Variants in PLCG2 observed in about 807,000 individuals in gnomAD.
The protein encoded by PLCG2 is phospholipase C gamma 2.
PLCG2 carries 69 observed loss-of-function variants against 175.6 expected under a neutral mutation model. The observed-to-expected ratio is 0.39, with a 90% CI of 0.32 to 0.48. The LOEUF (loss-of-function observed/expected upper bound fraction) is 0.48. Ranked by LOEUF, PLCG2 falls within the 20% of genes least tolerant of loss-of-function variation. The pLI, the probability that PLCG2 is intolerant of heterozygous loss-of-function variation, is 0.91. For synonymous variants in PLCG2, 827 were observed against 624.0 expected, an observed-to-expected ratio of 1.33 and a Z score of -4.85; for missense variants, 1,798 against 1,650.9, an observed-to-expected ratio of 1.09 and a Z score of -1.54.
chr16:81,799,946 C>T (rs1445051833), intron 2 of PLCG2, among the ~76,000 whole-genome samples: 1 of 152,054 alleles, frequency 6.6e-6, no homozygotes, highest in Admixed American at 6.6e-5. Context: ...TATGACAGAC[C>T]CCACATACTC....
intron 2 of PLCG2, among the ~76,000 whole-genome samples, chr16:81,760,572 C>G (rs1266050244): frequency 6.6e-6 from 1 of 151,812 alleles, no homozygotes; most frequent in Non-Finnish European, 1.5e-5. Context: ...CATAGGAGGT[C>G]AAATTTTGCT....
In PLCG2 at chr16:81,959,988, G is replaced by A; in HGVS notation, c.*1990G>A. The A allele has an allele frequency of 4.8e-6, 1 of 210,314 alleles. No individual in the cohort carries two copies. Among genetic ancestry groups the A allele is most frequent in the African/African-American group, 2.3e-5 (1 of 44,148 alleles). The allele number at this position is 210,314 out of a possible 1,614,324, so 13.0% of individuals were successfully genotyped here. A position where few individuals can be genotyped will look rare whatever the true frequency, so the allele number is the denominator to read the frequency against. On this transcript the variant is annotated 3_prime_UTR_variant, in exon 33 of 33. Coordinates refer to ENST00000564138, the MANE Select transcript of PLCG2 (RefSeq NM_002661.5). ...AAAGAACCTGACATATGGCGGCATA[G>A]GAAGCAGAAGCTAAGCCTCTCTCCA...
intron 26 of PLCG2, chr16:81,935,705 C>T (rs538327498): frequency 4.8e-5 from 47 of 985,332 alleles, no homozygotes; most frequent in Admixed American, 6.1e-5. Context: ...TCCCTCTCCT[C>T]CTGTTCTCCC....
At chr16:81,885,963 A>T (rs574492927) in intron 9 of PLCG2, among the ~76,000 whole-genome samples, 1 of 152,326 alleles carries the variant, frequency 6.6e-6, no homozygotes, top group African/African-American at 2.4e-5. Flanking sequence ...TGAAGGTAAT[A>T]AGTTAATTTT....
intron 2 of PLCG2, among the ~76,000 whole-genome samples, chr16:81,789,090 C>A (rs1249749171): frequency 6.6e-6 from 1 of 152,158 alleles, no homozygotes; most frequent in Non-Finnish European, 1.5e-5. Context: ...AACAAACCTG[C>A]ATGCTCTTCA....
chr16:81,805,119 T>A (rs1597328329), intron 2 of PLCG2, among the ~76,000 whole-genome samples: 1 of 152,060 alleles, frequency 6.6e-6, no homozygotes, highest in Non-Finnish European at 1.5e-5. Flanking sequence ...GTTAAGAGGT[T>A]AACAAGACAA....
At chr16:81,884,446 C>G (rs1908254398) in intron 9 of PLCG2, among the ~76,000 whole-genome samples, 2 of 151,992 alleles carry the variant, frequency 1.3e-5, no homozygotes, top group South Asian at 2.1e-4. Flanking sequence ...GGACAAGAAA[C>G]TCTGTGAGAG....
At position 81,912,587 on chromosome 16, in the gene PLCG2, T is replaced by C. The variant is rs754707956; in HGVS notation, c.1935-10T>C. On this transcript the variant is annotated splice_polypyrimidine_tract_variant and intron_variant, in intron 18 of 32. Transcript: ENST00000564138. ...CTCACCTGGTCGTTTTCCCTGGCCCTGTGCCGCAGGTGGTACTATGACAGC... is the reference window on the plus strand; with the variant it reads ...CTCACCTGGTCGTTTTCCCTGGCCCCGTGCCGCAGGTGGTACTATGACAGC... 6.2e-7 allele frequency: 1 copy of C among 1,602,300 alleles called. No homozygotes were observed. The highest frequency in any genetic ancestry group is 1.7e-5 in the Admixed American group (1 of 59,526).
intron 22 of PLCG2, among the ~76,000 whole-genome samples, chr16:81,924,632 G>A (rs143463560): frequency 1.3e-3 from 201 of 152,356 alleles, no homozygotes; most frequent in African/African-American, 4.5e-3. Context: ...CCTCTTGCAA[G>A]ATGCCTTAAT....
chr16:81,782,179 T>G (rs1282611896), intron 1 of PLCG2, among the ~76,000 whole-genome samples: 2 of 152,192 alleles, frequency 1.3e-5, no homozygotes, highest in African/African-American at 2.4e-5. Flanking sequence ...CCTGGCCCAT[T>G]TTATGCCTTT....
chr16:81,854,398 G>T, intron 2 of PLCG2, 46 bp from the exon 3 acceptor site: 1 of 1,589,146 alleles, frequency 6.3e-7, no homozygotes, highest in South Asian at 1.1e-5. Context: ...ATCCTCAGGT[G>T]GAGGGAACTC....
intron 4 of PLCG2, among the ~76,000 whole-genome samples, 160 bp from the exon 5 acceptor site, chr16:81,858,956 T>C (rs1050835329): frequency 6.6e-6 from 1 of 152,230 alleles, no homozygotes; most frequent in Non-Finnish European, 1.5e-5. Context: ...TTTTCCACAC[T>C]AGGAGGAAAC....
intron 31 of PLCG2, among the ~76,000 whole-genome samples, chr16:81,948,600 G>A (rs1057470379): frequency 2.0e-5 from 3 of 152,176 alleles, no homozygotes; most frequent in Non-Finnish European, 2.9e-5. Flanking sequence ...GCACACTTTA[G>A]AATCCTGGAG....
At chr16:81,777,810 G>A (rs1597311506), upstream of PLCG2, among the ~76,000 whole-genome samples, 1 of 151,890 alleles carries the variant, frequency 6.6e-6, no homozygotes, top group African/African-American at 2.4e-5. Context: ...GAGGTCAGGA[G>A]TTTGAGACCA....
At chr16:81,859,337 C>T (rs1393945721) in intron 5 of PLCG2, 174 bp downstream of exon 5, 5 of 560,618 alleles carry the variant, frequency 8.9e-6, no homozygotes. Context: ...AATCCTCCTC[C>T]TGGAGGGAGC....
intron 12 of PLCG2, among the ~76,000 whole-genome samples, chr16:81,894,393 C>T (rs557508137): frequency 3.3e-5 from 5 of 152,320 alleles, no homozygotes; most frequent in Admixed American, 2.6e-4. Context: ...TGTGCCACTG[C>T]ACTCTAGCCT....
At chr16:81,742,865 G>C (rs1909625240) in intron 1 of PLCG2, among the ~76,000 whole-genome samples, 1 of 152,152 alleles carries the variant, frequency 6.6e-6, no homozygotes, top group Admixed American at 6.5e-5. Flanking sequence ...TCTTATCATT[G>C]GTCCCGCTCC....
chr16:81,889,953 C>T (rs998901196), intron 10 of PLCG2, among the ~76,000 whole-genome samples: 1 of 152,006 alleles, frequency 6.6e-6, no homozygotes, highest in Admixed American at 6.6e-5. Context: ...CCGCACCTGG[C>T]GGAGGCTAGG....
At chr16:81,749,890 T>C (rs1240536184) in intron 1 of PLCG2, among the ~76,000 whole-genome samples, 1 of 152,146 alleles carries the variant, frequency 6.6e-6, no homozygotes, top group Non-Finnish European at 1.5e-5. Context: ...TGTCCCTCAA[T>C]GGACAGCTGC....
Sources: allele counts gnomAD v4.1 joint callset (sites outside exome capture counted in the v4.1 genomes callset), GRCh38; gene constraint gnomAD v4.1.1; transcripts MANE v1.5; gene names NCBI Gene and HGNC (gene_info 2026-07-23, HGNC 2026-07-21).